The following ZNF521 variants were observed in gnomAD, a reference collection of about 807,000 sequenced individuals.
The protein encoded by ZNF521 is LYST-interacting protein 3.
Under a neutral mutation model 105.5 loss-of-function variants are expected in ZNF521, and 14 were observed. That is an observed-to-expected ratio of 0.13 (90% CI 0.09 to 0.21). The LOEUF is 0.21. Among genes scored for constraint, ZNF521 ranks in the 10% least tolerant of loss-of-function variants. The pLI is 1.00. For synonymous variants in ZNF521, 635 were observed against 606.0 expected (o/e 1.05, Z -0.70); for missense variants, 1,233 against 1,629.7 (o/e 0.76, Z 4.19).
At chr18:25,229,695 C>T (rs1906412773) in intron 3 of ZNF521, among the ~76,000 whole-genome samples, 2 of 152,238 alleles carry the variant, frequency 1.3e-5, no homozygotes, top group South Asian at 4.1e-4. Flanking sequence ...ATGTACTCAA[C>T]ATTCTAGGTA....
chr18:25,325,546 G>A (rs1913169187), intron 2 of ZNF521, among the ~76,000 whole-genome samples: 1 of 152,078 alleles, frequency 6.6e-6, no homozygotes, highest in Admixed American at 6.6e-5. Flanking sequence ...CACGCAAAGG[G>A]TGATATTTTA....
intron 3 of ZNF521, among the ~76,000 whole-genome samples, chr18:25,244,854 A>G (rs953143910): frequency 6.6e-6 from 1 of 152,220 alleles, no homozygotes; most frequent in Non-Finnish European, 1.5e-5. Flanking sequence ...CAAACTGCAT[A>G]GCTGCATTCT....
chr18:25,144,305 T>C (rs779464790), intron 5 of ZNF521, among the ~76,000 whole-genome samples: 1 of 152,174 alleles, frequency 6.6e-6, no homozygotes, highest in Non-Finnish European at 1.5e-5. Context: ...CTTGCTACTC[T>C]TTTAGCCACC....
intron 3 of ZNF521, among the ~76,000 whole-genome samples, chr18:25,298,899 CT>C (rs1911472229): frequency 6.6e-6 from 1 of 152,194 alleles, no homozygotes; most frequent in African/African-American, 2.4e-5. Flanking sequence ...TCACACTCCT[CT>C]TTTAAAGAGT....
intron 3 of ZNF521, among the ~76,000 whole-genome samples, chr18:25,293,340 A>C (rs1381811103): frequency 1.5e-5 from 2 of 137,820 alleles, no homozygotes; most frequent in East Asian, 4.4e-4. Flanking sequence ...TCTTGCTTGC[A>C]CATGTACACA....
Position 25,327,898 on chromosome 18 carries a change from G to A in ZNF521, c.41-5711C>T, listed in dbSNP as rs1432482453. Among the ~76,000 whole-genome samples, 4 of 152,094 alleles carry A rather than the reference G, an allele frequency of 2.6e-5. No individual in the cohort carries two copies. The East Asian group carries it at 7.7e-4, about 29-fold the overall frequency. The stretch of plus-strand genomic sequence containing the variant: ...ACACAAACAAACAAAAAAAGCAATC[G>A]ATGGGGTGGCTAAGGGCTGAGCATC... On this transcript the variant is annotated intron_variant, in intron 2 of 7. Transcript: ENST00000361524.
chr18:25,083,974 G>A (rs1046758753), intron 7 of ZNF521, among the ~76,000 whole-genome samples: 8 of 127,912 alleles, frequency 6.3e-5, no homozygotes, highest in East Asian at 2.4e-4. Context: ...GTAGAGATGA[G>A]GCTTTCACCA....
At chr18:25,144,967 T>C (rs911192327) in intron 5 of ZNF521, among the ~76,000 whole-genome samples, 1 of 152,160 alleles carries the variant, frequency 6.6e-6, no homozygotes, top group Non-Finnish European at 1.5e-5. Flanking sequence ...ATTCTCCCCT[T>C]TGTGTGACTC....
chr18:25,198,794 T>C (rs2035943844), intron 4 of ZNF521, among the ~76,000 whole-genome samples: 1 of 151,892 alleles, frequency 6.6e-6, no homozygotes. Flanking sequence ...GATGACAAAA[T>C]TAGATATTCA....
intron 3 of ZNF521, among the ~76,000 whole-genome samples, chr18:25,267,059 A>ATGACCT (rs1220288991): frequency 1.3e-5 from 2 of 152,146 alleles, no homozygotes; most frequent in East Asian, 3.9e-4. Flanking sequence ...CAGCAGTCGA[A>ATGACCT]GGTTGACCTG....
chr18:25,295,122 C>A (rs1402696840), intron 3 of ZNF521, among the ~76,000 whole-genome samples: 1 of 152,120 alleles, frequency 6.6e-6, no homozygotes, highest in Non-Finnish European at 1.5e-5. Flanking sequence ...TCCTTCTACC[C>A]TAAAGGTAAG....
intron 4 of ZNF521, among the ~76,000 whole-genome samples, chr18:25,209,553 G>A (rs1314842743): frequency 6.6e-6 from 1 of 152,084 alleles, no homozygotes; most frequent in Non-Finnish European, 1.5e-5. Flanking sequence ...GTGGATTTTG[G>A]GCAAGTAATA....
chr18:25,129,299 A>G (rs1204280275), intron 5 of ZNF521, among the ~76,000 whole-genome samples: 2 of 149,288 alleles, frequency 1.3e-5, no homozygotes, highest in African/African-American at 4.9e-5. Context: ...ATCTGTGTCT[A>G]GATTTCTAGA....
intron 3 of ZNF521, among the ~76,000 whole-genome samples, chr18:25,260,099 T>A (rs1345861181): frequency 6.6e-6 from 1 of 152,166 alleles, no homozygotes; most frequent in African/African-American, 2.4e-5. Context: ...CACTGAGAGC[T>A]TTTGAGCATG....
intron 5 of ZNF521, among the ~76,000 whole-genome samples, chr18:25,153,314 A>G (rs999373184): frequency 1.3e-5 from 2 of 152,200 alleles, no homozygotes; most frequent in Admixed American, 1.3e-4. Context: ...TTTATTTCCT[A>G]CACTGCCTAT....
At chr18:25,171,025 T>C (rs1341760630) in intron 5 of ZNF521, among the ~76,000 whole-genome samples, 1 of 152,136 alleles carries the variant, frequency 6.6e-6, no homozygotes. Flanking sequence ...ATCATGTACC[T>C]TTAGTTATGA....
intron 5 of ZNF521, among the ~76,000 whole-genome samples, chr18:25,148,707 C>T (rs1941177798): frequency 6.6e-6 from 1 of 151,866 alleles, no homozygotes; most frequent in African/African-American, 2.4e-5. Flanking sequence ...CGGTCATAGT[C>T]AGTGAAGGAT....
At chr18:25,186,958 C>A (rs1248154206) in intron 5 of ZNF521, among the ~76,000 whole-genome samples, 12 of 140,774 alleles carry the variant, frequency 8.5e-5, no homozygotes, top group Non-Finnish European at 1.3e-4. Context: ...TAAAGAGGAA[C>A]AAATGGAGAA....
At chr18:25,074,036 ATG>A (rs989828169) in intron 7 of ZNF521, among the ~76,000 whole-genome samples, 6 of 142,080 alleles carry the variant, frequency 4.2e-5, no homozygotes, top group South Asian at 4.6e-4. Context: ...GTGTGCGTGC[ATG>A]TGTGTGTCTG....
Sources: gnomAD v4.1 joint callset for allele counts (sites outside exome capture counted in the v4.1 genomes callset) on GRCh38, gnomAD v4.1.1 for gene constraint, MANE v1.5 for transcripts, NCBI Gene and HGNC (gene_info 2026-07-23, HGNC 2026-07-21) for gene names.